Variants in CSMD2 observed in about 807,000 individuals in gnomAD.
CSMD2 encodes CUB and Sushi multiple domains 2, also known as CUB and sushi domain-containing protein 2.
CSMD2 carries 130 observed loss-of-function variants against 398.5 expected under a neutral mutation model. The observed-to-expected ratio is 0.33, with a 90% CI of 0.28 to 0.38. CSMD2 has a LOEUF of 0.38. Among genes scored for constraint, CSMD2 ranks in the 10% least tolerant of loss-of-function variants. The pLI, the probability that CSMD2 is intolerant of heterozygous loss-of-function variation, is 1.00. For missense variants in CSMD2, 3,829 were observed against 4,764.9 expected, an observed-to-expected ratio of 0.80 and a Z score of 5.78; for synonymous variants, 1,828 against 1,908.5, an observed-to-expected ratio of 0.96 and a Z score of 1.10.
At chr1:33,860,226 C>A (rs11810530) in intron 5 of CSMD2, among the ~76,000 whole-genome samples, 186 of 152,322 alleles carry the variant, frequency 1.2e-3, no homozygotes, top group African/African-American at 4.2e-3. Flanking sequence ...TGGTTTCTTC[C>A]AATCTGCATC....
chr1:33,827,583 A>C (rs1658974286), intron 6 of CSMD2, among the ~76,000 whole-genome samples: 1 of 152,176 alleles, frequency 6.6e-6, no homozygotes, highest in Non-Finnish European at 1.5e-5. Flanking sequence ...CCAATGTTCT[A>C]ACATACTATA....
intron 25 of CSMD2, among the ~76,000 whole-genome samples, chr1:33,680,708 G>T (rs1409932096): frequency 1.3e-5 from 2 of 151,916 alleles, no homozygotes; most frequent in African/African-American, 4.8e-5. Context: ...CCTACATGAG[G>T]CCTGGAGCCT....
At chr1:33,661,139 G>C (rs1644116977) in intron 26 of CSMD2, among the ~76,000 whole-genome samples, 3 of 152,242 alleles carry the variant, frequency 2.0e-5, no homozygotes, top group Admixed American at 2.0e-4. Flanking sequence ...TGAGTATGCA[G>C]TCGAGGTCAG....
chr1:33,902,385 C>G (rs1642811870), intron 5 of CSMD2, among the ~76,000 whole-genome samples: 1 of 152,158 alleles, frequency 6.6e-6, no homozygotes. Context: ...TTCTACTTCA[C>G]TCTTTGATGT....
chr1:33,792,304 T>G (rs886228260), intron 11 of CSMD2, 119 bp downstream of exon 11: 4 of 735,986 alleles, frequency 5.4e-6, no homozygotes, highest in Non-Finnish European at 1.0e-5. Flanking sequence ...ACTAGGAACA[T>G]TGCAGGATAC....
At chr1:33,946,418 T>C (rs76449278) in intron 3 of CSMD2, among the ~76,000 whole-genome samples, 4,630 of 152,274 alleles carry the variant, frequency 0.03, 246 homozygotes, top group African/African-American at 0.1. Context: ...TTGACAAACA[T>C]GTCTCCCACT....
chr1:33,679,801 T>G (rs1343829890), intron 25 of CSMD2, among the ~76,000 whole-genome samples: 1 of 152,242 alleles, frequency 6.6e-6, no homozygotes, highest in East Asian at 1.9e-4. Context: ...TGCTTTATGT[T>G]TTCTCATTAG....
chr1:33,695,765 C>G (rs566979358), intron 24 of CSMD2, among the ~76,000 whole-genome samples: 35 of 152,318 alleles, frequency 2.3e-4, no homozygotes, highest in African/African-American at 8.2e-4. Flanking sequence ...ACTGAGCCCA[C>G]CAGAGTGGCT....
At chr1:33,651,070 G>A (rs1557677029) in intron 28 of CSMD2, among the ~76,000 whole-genome samples, 1 of 152,168 alleles carries the variant, frequency 6.6e-6, no homozygotes, top group Non-Finnish European at 1.5e-5. Context: ...GGAAAGTAGG[G>A]TGGTTATTTC....
Position 33,716,346 on chromosome 1 carries a change from G to A in CSMD2, c.3157C>T (p.Gln1053Ter). The change falls in exon 20 of 71, where the codon CAG becomes TAG. Residue 1053 changes from glutamine to a stop codon, truncating the protein, a stop_gained. Coordinates refer to ENST00000373381, the MANE Select transcript of CSMD2 (RefSeq NM_001281956.2). LOFTEE classifies it high-confidence loss of function. ...GAGAAATCAGAGATGAAGCGGACCT[G>A]GGCAGTGAAGTTGCCATAGAGCCCA... ...SAGLYGNFTA[Q>*]VRFISDFSMS... The A allele has an allele frequency of 6.2e-7, 1 of 1,614,152 alleles. No individual in the cohort carries two copies.
At chr1:33,562,280 CAGG>C (rs1658637956) in intron 53 of CSMD2, among the ~76,000 whole-genome samples, 1 of 152,236 alleles carries the variant, frequency 6.6e-6, no homozygotes, top group Non-Finnish European at 1.5e-5. Flanking sequence ...CCAGGATCAG[CAGG>C]AGAAGAAGCT....
intron 12 of CSMD2, among the ~76,000 whole-genome samples, chr1:33,787,256 A>C (rs910228798): frequency 2.0e-5 from 3 of 152,134 alleles, no homozygotes; most frequent in Non-Finnish European, 4.4e-5. Flanking sequence ...TGAGAGAATA[A>C]ATGTCCGTTG....
At chr1:33,906,639 C>T (rs1213775519) in intron 5 of CSMD2, among the ~76,000 whole-genome samples, 1 of 152,144 alleles carries the variant, frequency 6.6e-6, no homozygotes, top group Non-Finnish European at 1.5e-5. Flanking sequence ...GGAAAGGACA[C>T]AGACTGATGA....
At chr1:33,691,453 T>A (rs1330368964) in intron 25 of CSMD2, among the ~76,000 whole-genome samples, 1 of 152,226 alleles carries the variant, frequency 6.6e-6, no homozygotes, top group Non-Finnish European at 1.5e-5. Flanking sequence ...AAAAAATTTG[T>A]ACATATTAAA....
intron 27 of CSMD2, among the ~76,000 whole-genome samples, chr1:33,653,032 C>T (rs763823156): frequency 2.0e-5 from 3 of 152,220 alleles, no homozygotes; most frequent in Admixed American, 6.5e-5. Flanking sequence ...CACAGGATTT[C>T]AGGCGTGAGC....
intron 1 of CSMD2, among the ~76,000 whole-genome samples, chr1:34,093,816 C>G (rs1658944713): frequency 6.6e-6 from 1 of 152,050 alleles, no homozygotes; most frequent in African/African-American, 2.4e-5. Context: ...AGAATGGAAC[C>G]AAGTTGGAAA....
chr1:33,877,698 G>A (rs1570368365), intron 5 of CSMD2, among the ~76,000 whole-genome samples: 1 of 152,146 alleles, frequency 6.6e-6, no homozygotes, highest in African/African-American at 2.4e-5. Context: ...CCCTTAGTCT[G>A]TATTATTTTG....
intron 2 of CSMD2, among the ~76,000 whole-genome samples, chr1:34,072,815 T>A (rs1655887378): frequency 6.6e-6 from 1 of 152,086 alleles, no homozygotes; most frequent in Non-Finnish European, 1.5e-5. Context: ...CCCCACCACG[T>A]CTGCCCAGAC....
At chr1:33,753,699 C>A (rs1648584048) in intron 13 of CSMD2, among the ~76,000 whole-genome samples, 1 of 152,252 alleles carries the variant, frequency 6.6e-6, no homozygotes, top group African/African-American at 2.4e-5. Flanking sequence ...ATGAGAGCAG[C>A]CACAAGGACT....
Sources: allele counts gnomAD v4.1 joint callset (sites outside exome capture counted in the v4.1 genomes callset), GRCh38; gene constraint gnomAD v4.1.1; transcripts MANE v1.5; gene names NCBI Gene and HGNC (gene_info 2026-07-23, HGNC 2026-07-21).